WFDC2: variants seen among roughly 807,000 people sequenced by gnomAD.
WFDC2 encodes WAP four-disulfide core domain protein 2.
WFDC2 carries 8 observed loss-of-function variants against 12.5 expected under a neutral mutation model. The ratio of observed to expected loss-of-function variants is 0.64; its 90% confidence interval spans 0.37 to 1.15. The LOEUF (loss-of-function observed/expected upper bound fraction) is 1.15, where lower values mean the gene tolerates loss of function less well. Among genes scored for constraint, WFDC2 ranks in the 50% most tolerant of loss-of-function variants. WFDC2 has a pLI of 0.01. For synonymous variants in WFDC2, 74 were observed against 67.2 expected, an observed-to-expected ratio of 1.10 and a Z score of -0.49; for missense variants, 166 against 159.9, an observed-to-expected ratio of 1.04 and a Z score of -0.21.
chr20:45,472,433 G>A (rs189818912), intron 2 of WFDC2, among the ~76,000 whole-genome samples: 2 of 152,188 alleles, frequency 1.3e-5, no homozygotes, highest in Admixed American at 6.5e-5. Context: ...CCATGTCTCT[G>A]CAAAGGACAT....
In WFDC2 at chr20:45,470,495, C is replaced by T; in HGVS notation, c.186C>T (p.Cys62=). 1 of 1,599,598 alleles carries T rather than the reference C, an allele frequency of 6.3e-7. No individual in the cohort carries two copies. Among genetic ancestry groups the T allele is most frequent in the Non-Finnish European group, 8.5e-7 (1 of 1,172,770 alleles). ...DSECADNLKC[C]SAGCATFCSL... ...AATGCGCCGACAACCTCAAGTGCTG[C>T]AGCGCGGGCTGTGCCACCTTCTGCT... Residue 62 remains cysteine, a synonymous_variant, in exon 2 of 4, where the codon TGC becomes TGT. Transcript: ENST00000372676. This position sits in a 1 kb window ranked among gnomAD's most constrained non-coding sequence, Gnocchi z 5.4.
At chr20:45,474,189 G>T (rs1991205748) in intron 2 of WFDC2, among the ~76,000 whole-genome samples, 1 of 152,038 alleles carries the variant, frequency 6.6e-6, no homozygotes, top group Admixed American at 6.6e-5. Flanking sequence ...TTGACTGATT[G>T]CCCTGGCCAG....
At chr20:45,471,139 C>T (rs968539265) in intron 2 of WFDC2, 2 of 471,222 alleles carry the variant, frequency 4.2e-6, no homozygotes, top group East Asian at 1.4e-4. Flanking sequence ...GAGGGTTCAG[C>T]TTTTGCCTTT....
At position 45,470,498 on chromosome 20, in the gene WFDC2, C is replaced by T. The variant is rs776976056; in HGVS notation, c.189C>T (p.Ser63=). 1.0e-5 allele frequency: 16 copies of T among 1,599,538 alleles called. No homozygotes were observed. The highest frequency in any genetic ancestry group is 1.3e-5 in the African/African-American group (1 of 74,800). Residue 63 remains serine, a synonymous_variant, in exon 2 of 4, where the codon AGC becomes AGT. Transcript: ENST00000372676. The surrounding 1 kb of genome is among the most constrained non-coding windows in gnomAD (Gnocchi z 5.4). Reference sequence around the variant, plus strand: ...GCGCCGACAACCTCAAGTGCTGCAGCGCGGGCTGTGCCACCTTCTGCTCTC... The same window carrying T: ...GCGCCGACAACCTCAAGTGCTGCAGTGCGGGCTGTGCCACCTTCTGCTCTC... The part of the protein sequence containing the change: ...SECADNLKCC[S]AGCATFCSLP...
At chr20:45,480,248 A>G (rs987161507) in intron 3 of WFDC2, among the ~76,000 whole-genome samples, 154 bp downstream of exon 3, 2 of 152,066 alleles carry the variant, frequency 1.3e-5, no homozygotes, top group African/African-American at 4.8e-5. Context: ...CTAAAAGAAG[A>G]GTGAAAGGTG....
chr20:45,478,659 T>C (rs1288341664), intron 2 of WFDC2, among the ~76,000 whole-genome samples: 1 of 151,916 alleles, frequency 6.6e-6, no homozygotes, highest in African/African-American at 2.4e-5. Context: ...GGAGTCTCGC[T>C]CTGTCGCCCA....
Position 45,475,043 on chromosome 20 carries a change from A to G in WFDC2, c.223+4511A>G, listed in dbSNP as rs373237449. Among the ~76,000 whole-genome samples the G allele has an allele frequency of 5.9e-5, 9 of 151,948 alleles. 2 individuals carry two copies. On this transcript the variant is annotated intron_variant, in intron 2 of 3. Transcript: ENST00000372676. ...GGTGATATCCCCTTTGTCATTTTTTATTGTGTCTATTTGATTCTTCTCTCT... is the reference window on the plus strand; with the variant it reads ...GGTGATATCCCCTTTGTCATTTTTTGTTGTGTCTATTTGATTCTTCTCTCT...
Position 45,479,937 on chromosome 20 carries a change from C to T in WFDC2, c.224-5C>T, listed in dbSNP as rs1304248917. 23 of 1,614,108 alleles carry T rather than the reference C, an allele frequency of 1.4e-5. No homozygotes were observed. The highest frequency in any genetic ancestry group is 1.8e-5 in the Non-Finnish European group (21 of 1,180,044). On this transcript the variant is annotated splice_region_variant and splice_polypyrimidine_tract_variant and intron_variant, in intron 2 of 3. Coordinates refer to ENST00000372676, the MANE Select transcript of WFDC2 (RefSeq NM_006103.4). ...CCACTTACCCTTACTCCTTTTTCTACCCAGATAAGGAGGGTTCCTGCCCCC... is the reference window on the plus strand; with the variant it reads ...CCACTTACCCTTACTCCTTTTTCTATCCAGATAAGGAGGGTTCCTGCCCCC...
At chr20:45,472,238 A>T (rs1991181589) in intron 2 of WFDC2, among the ~76,000 whole-genome samples, 1 of 152,150 alleles carries the variant, frequency 6.6e-6, no homozygotes, top group African/African-American at 2.4e-5. Flanking sequence ...CATCTACATT[A>T]GGTGTTTCTC....
intron 2 of WFDC2, among the ~76,000 whole-genome samples, chr20:45,478,910 T>A (rs1005409412): frequency 1.3e-5 from 2 of 152,236 alleles, no homozygotes; most frequent in African/African-American, 4.8e-5. Flanking sequence ...CGGTGATCTG[T>A]CAGCCACTTT....
chr20:45,472,132 T>C (rs1410477404), intron 2 of WFDC2, among the ~76,000 whole-genome samples: 1 of 152,064 alleles, frequency 6.6e-6, no homozygotes, highest in Non-Finnish European at 1.5e-5. Context: ...TTTTTTTGTA[T>C]TTATGCTTTA....
chr20:45,475,766 G>A (rs750274619), intron 2 of WFDC2, among the ~76,000 whole-genome samples: 2 of 152,170 alleles, frequency 1.3e-5, no homozygotes, highest in Non-Finnish European at 2.9e-5. Context: ...GTCTAATATT[G>A]ACAGTGGGGG....
intron 1 of WFDC2, 36 bp downstream of exon 1, chr20:45,469,896 GGCCGAGCCACGA>G (rs773110714): frequency 6.4e-7 from 1 of 1,573,668 alleles, no homozygotes; most frequent in Non-Finnish European, 8.6e-7. Context: ...CGCCTAGAGG[GGCCGAGCCACGA>G]GCGCCAGGAT....
At chr20:45,472,960 C>G (rs1991190783) in intron 2 of WFDC2, among the ~76,000 whole-genome samples, 1 of 152,100 alleles carries the variant, frequency 6.6e-6, no homozygotes, top group Admixed American at 6.5e-5. Flanking sequence ...GAGCATTTTT[C>G]ATGTTTGTTG....
chr20:45,479,813 T>C, intron 2 of WFDC2, 129 bp from the exon 3 acceptor site: 2 of 1,613,292 alleles, frequency 1.2e-6, no homozygotes, highest in South Asian at 1.1e-5. Context: ...GTGCCCAAGA[T>C]GGACTCAGGC....
At chr20:45,475,756 G>A (rs990135771) in intron 2 of WFDC2, among the ~76,000 whole-genome samples, 9 of 152,156 alleles carry the variant, frequency 5.9e-5, no homozygotes, top group Non-Finnish European at 8.8e-5. Context: ...TCATTGATCT[G>A]TCTAATATTG....
chr20:45,481,129 C>A (rs930146945), intron 3 of WFDC2, among the ~76,000 whole-genome samples: 1 of 152,008 alleles, frequency 6.6e-6, no homozygotes, highest in Non-Finnish European at 1.5e-5. Flanking sequence ...TACCCAGGTG[C>A]CTGCTAGGGA....
chr20:45,478,502 C>T (rs1471180911), intron 2 of WFDC2, among the ~76,000 whole-genome samples: 1 of 152,190 alleles, frequency 6.6e-6, no homozygotes. Flanking sequence ...CACTGTCTAA[C>T]CAGTCCCAAT....
At chr20:45,476,190 G>A (rs1991231215) in intron 2 of WFDC2, among the ~76,000 whole-genome samples, 1 of 152,148 alleles carries the variant, frequency 6.6e-6, no homozygotes, top group African/African-American at 2.4e-5. Flanking sequence ...GGTTAATATT[G>A]TTATGTGTGA....
Sources: gnomAD v4.1 joint callset for allele counts (sites outside exome capture counted in the v4.1 genomes callset) on GRCh38, gnomAD v4.1.1 for gene constraint, Gnocchi (gnomAD v3.1) non-coding constraint, MANE v1.5 for transcripts, NCBI Gene and HGNC (gene_info 2026-07-23, HGNC 2026-07-21) for gene names.